ARB2A: variants seen among roughly 807,000 people sequenced by gnomAD.
The protein encoded by ARB2A is cotranscriptional regulator ARB2A.
chr5:93,622,959 C>A, the ARB2A span, among the ~76,000 whole-genome samples: 1 of 152,054 alleles, frequency 6.6e-6, no homozygotes. Flanking sequence ...TTAAAGGATT[C>A]TTTTGAATTT....
the ARB2A span, among the ~76,000 whole-genome samples, chr5:93,997,331 G>A: frequency 3.3e-5 from 5 of 151,994 alleles, no homozygotes; most frequent in South Asian, 2.1e-4. Context: ...AGATTATAAC[G>A]TTAGCATAGC....
the ARB2A span, among the ~76,000 whole-genome samples, chr5:93,846,541 G>A: frequency 3.3e-5 from 5 of 151,806 alleles, no homozygotes; most frequent in Non-Finnish European, 5.9e-5. Context: ...AACGACTGGA[G>A]AAATGCAAAA....
the ARB2A span, among the ~76,000 whole-genome samples, chr5:93,869,389 C>T: frequency 6.6e-6 from 1 of 152,080 alleles, no homozygotes; most frequent in African/African-American, 2.4e-5. Context: ...AAAAATGTTA[C>T]CTTAGACAAA....
At chr5:93,851,152 C>T in the ARB2A span, among the ~76,000 whole-genome samples, 7 of 152,060 alleles carry the variant, frequency 4.6e-5, no homozygotes, top group Non-Finnish European at 1.5e-5. Flanking sequence ...ACCTGGTATT[C>T]CTTTTCCTTT....
the ARB2A span, among the ~76,000 whole-genome samples, chr5:93,791,289 T>C: frequency 6.6e-6 from 1 of 152,256 alleles, no homozygotes; most frequent in East Asian, 1.9e-4. Context: ...CTCCTTTCCC[T>C]GTTACAGTGC....
chr5:93,728,676 A>C, the ARB2A span, among the ~76,000 whole-genome samples: 16 of 152,196 alleles, frequency 1.1e-4, no homozygotes, highest in African/African-American at 2.6e-4. Flanking sequence ...GCTTTACACC[A>C]GTACTAAATT....
the ARB2A span, among the ~76,000 whole-genome samples, chr5:94,027,061 G>A: frequency 2.4e-3 from 360 of 152,306 alleles, no homozygotes; most frequent in African/African-American, 8.3e-3. Context: ...CTGGGTCAAA[G>A]GACTTTATTC....
chr5:93,702,407 G>A, the ARB2A span, among the ~76,000 whole-genome samples: 1 of 152,022 alleles, frequency 6.6e-6, no homozygotes, highest in Non-Finnish European at 1.5e-5. Context: ...TTAGCCTACT[G>A]AATTTTTATC....
chr5:93,684,628 C>T, the ARB2A span, among the ~76,000 whole-genome samples: 1 of 152,126 alleles, frequency 6.6e-6, no homozygotes, highest in East Asian at 1.9e-4. Flanking sequence ...AATTTTAAAG[C>T]ACAACTTAAA....
At chr5:94,102,777 G>C in the ARB2A span, among the ~76,000 whole-genome samples, 1 of 151,758 alleles carries the variant, frequency 6.6e-6, no homozygotes, top group Non-Finnish European at 1.5e-5. Context: ...AGAAGGGAGA[G>C]GTCACCTACA....
chr5:93,687,274 C>T, the ARB2A span, among the ~76,000 whole-genome samples: 5 of 152,132 alleles, frequency 3.3e-5, no homozygotes, highest in East Asian at 3.8e-4. Flanking sequence ...TAAAATAACA[C>T]TTAAGACATA....
the ARB2A span, among the ~76,000 whole-genome samples, chr5:93,691,585 C>T: frequency 6.6e-6 from 1 of 151,960 alleles, no homozygotes; most frequent in Admixed American, 6.6e-5. Flanking sequence ...GAGAATGGAA[C>T]CGAGTTGGAA....
the ARB2A span, chr5:93,861,570 T>C: frequency 1.3e-5 from 2 of 152,220 alleles, no homozygotes; most frequent in African/African-American, 4.8e-5. Flanking sequence ...AACTATTTGA[T>C]GAAATGTTTA....
At chr5:93,782,751 G>A in the ARB2A span, among the ~76,000 whole-genome samples, 1 of 152,092 alleles carries the variant, frequency 6.6e-6, no homozygotes, top group East Asian at 1.9e-4. Context: ...GAATCTCAAA[G>A]AGATAAAATA....
the ARB2A span, among the ~76,000 whole-genome samples, chr5:93,950,726 C>T: frequency 2.6e-5 from 4 of 151,348 alleles, no homozygotes; most frequent in Admixed American, 6.6e-5. Flanking sequence ...GGACAGATCA[C>T]GAGGTCAGAA....
chr5:93,789,506 C>A, the ARB2A span, among the ~76,000 whole-genome samples: 3 of 152,216 alleles, frequency 2.0e-5, no homozygotes, highest in Non-Finnish European at 4.4e-5. Context: ...TTCATAATTT[C>A]ATTAAGCAGA....
chr5:93,789,865 C>T, the ARB2A span, among the ~76,000 whole-genome samples: 7 of 152,188 alleles, frequency 4.6e-5, no homozygotes, highest in Non-Finnish European at 1.0e-4. Flanking sequence ...ATCTTAGGCA[C>T]TAGCACCTCT....
At chr5:94,033,978 G>A in the ARB2A span, among the ~76,000 whole-genome samples, 12 of 152,190 alleles carry the variant, frequency 7.9e-5, no homozygotes, top group African/African-American at 2.9e-4. Context: ...CTAGCAAGCA[G>A]GTTGTTACAA....
At chr5:93,873,001 G>T in the ARB2A span, among the ~76,000 whole-genome samples, 2 of 152,092 alleles carry the variant, frequency 1.3e-5, no homozygotes, top group African/African-American at 4.8e-5. Context: ...GCACACTTCA[G>T]TATAATATTC....
Sources: allele counts gnomAD v4.1 joint callset (sites outside exome capture counted in the v4.1 genomes callset), GRCh38; gene constraint gnomAD v4.1.1; transcripts MANE v1.5; gene names NCBI Gene and HGNC (gene_info 2026-07-23, HGNC 2026-07-21).